The following INVS variants were observed in gnomAD, a reference collection of about 807,000 sequenced individuals.
INVS encodes the protein inversin, also known as inversion of embryo turning homolog.
A neutral mutation model predicts 108.8 loss-of-function variants in INVS; 86 were observed. That is an observed-to-expected ratio of 0.79 (90% CI 0.66 to 0.95). The LOEUF (loss-of-function observed/expected upper bound fraction) is 0.95. Among genes scored for constraint, INVS ranks in the 40% least tolerant of loss-of-function variants. The probability of loss-of-function intolerance (pLI) is 0.00; values close to 1 mark genes in which losing one functional copy is unlikely to be tolerated. For missense variants in INVS, 1,169 were observed against 1,297.4 expected, an observed-to-expected ratio of 0.90 and a Z score of 1.52; for synonymous variants, 455 against 473.5, an observed-to-expected ratio of 0.96 and a Z score of 0.51.
At chr9:100,299,193 A>G (rs1484952927) in intron 16 of INVS, among the ~76,000 whole-genome samples, 3 of 152,182 alleles carry the variant, frequency 2.0e-5, no homozygotes, top group Non-Finnish European at 2.9e-5. Context: ...TGTCCTACAC[A>G]TATTTTTGAC....
chr9:100,168,626 G>A (rs1039385435), intron 3 of INVS, among the ~76,000 whole-genome samples: 1 of 152,104 alleles, frequency 6.6e-6, no homozygotes, highest in African/African-American at 2.4e-5. Context: ...GGGCTGTTGG[G>A]TAACCCTGTC....
At chr9:100,126,313 C>T (rs900523726) in intron 2 of INVS, 70 bp from the exon 3 acceptor site, 63 of 1,225,968 alleles carry the variant, frequency 5.1e-5, no homozygotes, top group South Asian at 2.4e-4. Context: ...TAATAAACAG[C>T]GAATATAGTT....
chr9:100,198,451 C>T (rs1466430741), intron 3 of INVS, among the ~76,000 whole-genome samples: 1 of 151,124 alleles, frequency 6.6e-6, no homozygotes, highest in Non-Finnish European at 1.5e-5. Context: ...ACCACCAGGT[C>T]CCGCTAATTT....
At chr9:100,234,291 T>G (rs1168477756) in intron 5 of INVS, among the ~76,000 whole-genome samples, 1 of 152,022 alleles carries the variant, frequency 6.6e-6, no homozygotes, top group South Asian at 2.1e-4. Flanking sequence ...GTGGTCTATT[T>G]TGTTAGTCTT....
intron 3 of INVS, among the ~76,000 whole-genome samples, chr9:100,184,837 A>G (rs1305659036): frequency 6.6e-6 from 1 of 152,182 alleles, no homozygotes; most frequent in East Asian, 1.9e-4. Context: ...TCTTAAAGAC[A>G]TTGCATGCAG....
intron 3 of INVS, among the ~76,000 whole-genome samples, chr9:100,167,208 A>C (rs568727987): frequency 3.6e-4 from 55 of 152,152 alleles, no homozygotes; most frequent in African/African-American, 1.2e-3. Flanking sequence ...CCTGGGTGGC[A>C]GAGGGAGACT....
At chr9:100,195,816 A>T (rs1197595898) in intron 3 of INVS, among the ~76,000 whole-genome samples, 2 of 152,190 alleles carry the variant, frequency 1.3e-5, no homozygotes, top group African/African-American at 4.8e-5. Flanking sequence ...ATGTGAAACC[A>T]ACCTTGCACT....
intron 3 of INVS, among the ~76,000 whole-genome samples, chr9:100,195,980 G>A: frequency 6.6e-6 from 1 of 152,018 alleles, no homozygotes; most frequent in East Asian, 1.9e-4. Flanking sequence ...ATCAGGATTT[G>A]CAGACTTCAT....
At chr9:100,273,234 G>A (rs1365244357) in intron 12 of INVS, among the ~76,000 whole-genome samples, 158 bp downstream of exon 12, 5 of 152,072 alleles carry the variant, frequency 3.3e-5, no homozygotes, top group South Asian at 2.1e-4. Context: ...TCAGCACTCC[G>A]TCTTCTGGAA....
intron 3 of INVS, among the ~76,000 whole-genome samples, chr9:100,162,710 C>A (rs1829228850): frequency 6.6e-6 from 1 of 152,042 alleles, no homozygotes; most frequent in South Asian, 2.1e-4. Context: ...CACCAGTAAT[C>A]CCAGCTACTC....
intron 2 of INVS, among the ~76,000 whole-genome samples, chr9:100,112,272 G>A (rs1034730617): frequency 4.6e-5 from 7 of 152,230 alleles, no homozygotes; most frequent in Admixed American, 2.0e-4. Flanking sequence ...ACGCCCAGCC[G>A]GGGGATATAT....
At chr9:100,275,033 A>G (rs141329992) in intron 12 of INVS, among the ~76,000 whole-genome samples, 12 of 152,334 alleles carry the variant, frequency 7.9e-5, no homozygotes, top group Non-Finnish European at 1.2e-4. Flanking sequence ...AAATAGAGAA[A>G]CATACCATTT....
chr9:100,292,264 A>G (rs1833641178), intron 13 of INVS, 62 bp from the exon 14 acceptor site: 1 of 1,385,772 alleles, frequency 7.2e-7, no homozygotes, highest in African/African-American at 1.4e-5. Flanking sequence ...TTATGTGAAC[A>G]TATTAGGAAA....
intron 2 of INVS, among the ~76,000 whole-genome samples, chr9:100,113,163 G>A (rs549356211): frequency 6.6e-6 from 1 of 152,270 alleles, no homozygotes; most frequent in Non-Finnish European, 1.5e-5. Context: ...TATAAATACA[G>A]TGATAGAATC....
chr9:100,268,415 A>C (rs2118646587), intron 11 of INVS, among the ~76,000 whole-genome samples: 1 of 152,324 alleles, frequency 6.6e-6, no homozygotes, highest in East Asian at 1.9e-4. Context: ...AGTAAACATC[A>C]GTATGTTCCC....
At chr9:100,293,374 CCT>C (rs1470104720) in intron 14 of INVS, among the ~76,000 whole-genome samples, 12 of 152,156 alleles carry the variant, frequency 7.9e-5, no homozygotes, top group Non-Finnish European at 2.9e-5. Context: ...CCCCCCTGAC[CCT>C]CTGCTTCTTC....
intron 3 of INVS, among the ~76,000 whole-genome samples, chr9:100,200,824 C>A (rs1830511731): frequency 6.6e-6 from 1 of 152,174 alleles, no homozygotes; most frequent in African/African-American, 2.4e-5. Flanking sequence ...TTACCCATCT[C>A]TTTTATTCCA....
At chr9:100,239,996 T>TA in intron 5 of INVS, 64 bp from the exon 6 acceptor site, 1 of 1,432,354 alleles carries the variant, frequency 7.0e-7, no homozygotes. Flanking sequence ...AAAAAATACT[T>TA]ACACCAAATG....
chr9:100,272,123 C>T (rs973804613), intron 11 of INVS, among the ~76,000 whole-genome samples: 2 of 151,720 alleles, frequency 1.3e-5, no homozygotes, highest in African/African-American at 2.4e-5. Context: ...CCACCTCGGC[C>T]TCCCAAAGTG....
Sources: allele counts gnomAD v4.1 joint callset (sites outside exome capture counted in the v4.1 genomes callset), GRCh38; gene constraint gnomAD v4.1.1; transcripts MANE v1.5; gene names NCBI Gene and HGNC (gene_info 2026-07-23, HGNC 2026-07-21).